LIMA1: variants seen among roughly 807,000 people sequenced by gnomAD.
LIMA1 encodes the protein LIM domain and actin binding 1, also known as LIM domain and actin-binding protein 1.
Under a neutral mutation model 62.6 loss-of-function variants are expected in LIMA1, and 52 were observed. That is an observed-to-expected ratio of 0.83 (90% confidence interval 0.67 to 1.05). LIMA1 has a LOEUF of 1.05. Among genes scored for constraint, LIMA1 ranks in the 50% least tolerant of loss-of-function variants. The probability of loss-of-function intolerance (pLI) is 0.00; values close to 1 mark genes in which losing one functional copy is unlikely to be tolerated. For missense variants in LIMA1, 780 were observed against 902.2 expected, an observed-to-expected ratio of 0.86 and a Z score of 1.74; for synonymous variants, 302 against 317.8, an observed-to-expected ratio of 0.95 and a Z score of 0.53.
rs369600298 is a variant in LIMA1, at chr12:50,177,101, C to G, written c.2243G>C (p.Arg748Thr). 1.4e-5 allele frequency: 23 copies of G among 1,600,594 alleles called. No homozygotes were observed. Among genetic ancestry groups the G allele is most frequent in the Middle Eastern group, 1.7e-4 (1 of 6,004 alleles). The change falls in exon 11 of 11, where the codon AGA (arginine) becomes ACA (threonine). Residue 748 changes from arginine (R) to threonine (T), a missense_variant. Arg to Thr is a moderately conservative substitution (Grantham distance 71). Transcript: ENST00000341247. ...CTCATCCTCATCATAATACCGATTT[C>G]TCTTTATCTGTTCTTCCACAGAGAG... ...KELSVEEQIKRNRYYDEDEDE... is the reference protein window; with the variant it reads ...KELSVEEQIKTNRYYDEDEDE...
chr12:50,205,370 G>A (rs1294432021), intron 5 of LIMA1, among the ~76,000 whole-genome samples: 1 of 151,866 alleles, frequency 6.6e-6, no homozygotes, highest in Non-Finnish European at 1.5e-5. Context: ...ACCATGCCTG[G>A]GCTCGTATTT....
At chr12:50,247,630 T>TTATTATTATTATTA (rs1345612916) in intron 2 of LIMA1, among the ~76,000 whole-genome samples, 2 of 148,412 alleles carry the variant, frequency 1.3e-5, no homozygotes, top group Non-Finnish European at 3.0e-5. Flanking sequence ...ATTATTATTA[T>TTATTATTATTATTA]TATTATTATT....
At chr12:50,263,863 A>ATATATATATATATAAAG (rs1942106294) in intron 1 of LIMA1, among the ~76,000 whole-genome samples, 5 of 132,162 alleles carry the variant, frequency 3.8e-5, no homozygotes, top group African/African-American at 1.4e-4. Flanking sequence ...GAGAGTATAT[A>ATATATATATATATAAAG]TATATATATA....
chr12:50,247,628 T>C (rs1032375755), intron 2 of LIMA1, among the ~76,000 whole-genome samples: 1 of 148,246 alleles, frequency 6.7e-6, no homozygotes, highest in African/African-American at 2.5e-5. Flanking sequence ...TTATTATTAT[T>C]ATTATTATTA....
chr12:50,183,636 C>G (rs933357111), intron 9 of LIMA1, among the ~76,000 whole-genome samples: 9 of 151,834 alleles, frequency 5.9e-5, no homozygotes, highest in Non-Finnish European at 1.3e-4. Context: ...CATAGTGAAA[C>G]CCCATCTCTA....
intron 8 of LIMA1, among the ~76,000 whole-genome samples, chr12:50,195,034 T>A (rs1490091655): frequency 6.6e-6 from 1 of 151,202 alleles, no homozygotes; most frequent in Non-Finnish European, 1.5e-5. Context: ...GGTGACAGAG[T>A]GAGACTCCCT....
intron 1 of LIMA1, among the ~76,000 whole-genome samples, chr12:50,254,242 A>G (rs1017315648): frequency 6.6e-6 from 1 of 152,292 alleles, no homozygotes; most frequent in East Asian, 1.9e-4. Flanking sequence ...AAATAAACAC[A>G]GATTTTTAGC....
At chr12:50,276,071 G>T (rs1188300597) in intron 1 of LIMA1, among the ~76,000 whole-genome samples, 2 of 151,738 alleles carry the variant, frequency 1.3e-5, no homozygotes, top group Non-Finnish European at 2.9e-5. Context: ...TTGAAAATCA[G>T]TGCTTTTTTT....
chr12:50,227,232 C>CT (rs1555207792), intron 3 of LIMA1, among the ~76,000 whole-genome samples: 1 of 111,956 alleles, frequency 8.9e-6, no homozygotes, highest in Non-Finnish European at 1.8e-5. Context: ...TTTCTTTTTT[C>CT]TTTTCTTTTT....
intron 1 of LIMA1, among the ~76,000 whole-genome samples, chr12:50,276,925 C>A (rs980435880): frequency 1.3e-5 from 2 of 151,498 alleles, no homozygotes; most frequent in Non-Finnish European, 2.9e-5. Context: ...AATTAAAAGG[C>A]AAACTGGTTA....
intron 2 of LIMA1, among the ~76,000 whole-genome samples, chr12:50,240,106 T>TA (rs1941755991): frequency 6.6e-6 from 1 of 150,488 alleles, no homozygotes; most frequent in Admixed American, 6.6e-5. Context: ...AAATGACCTG[T>TA]AGGCTGAGAT....
At chr12:50,206,846 A>C (rs1466240117) in intron 4 of LIMA1, among the ~76,000 whole-genome samples, 3 of 152,016 alleles carry the variant, frequency 2.0e-5, no homozygotes, top group Non-Finnish European at 4.4e-5. Flanking sequence ...CTGTCCCTCT[A>C]CTGCACTGTA....
At position 50,258,475 on chromosome 12, in the gene LIMA1, T is replaced by C. The variant is rs752047405; in HGVS notation, c.-23-9701A>G. ...GCGCCTGGCTAATATTTTAAATTTTTTTGTAGAGACAGAGTCTCCCCGTAT... is the reference window on the plus strand; with the variant it reads ...GCGCCTGGCTAATATTTTAAATTTTCTTGTAGAGACAGAGTCTCCCCGTAT... On this transcript the variant is annotated intron_variant, in intron 1 of 10. Coordinates refer to ENST00000341247, the MANE Select transcript of LIMA1 (RefSeq NM_016357.5). Among the ~76,000 whole-genome samples the C allele has an allele frequency of 5.9e-5, 9 of 151,846 alleles. 1 individual carries two copies. The highest frequency in any genetic ancestry group is 3.3e-4 in the Admixed American group (5 of 15,228).
At chr12:50,202,918 T>G (rs1180695559) in intron 6 of LIMA1, among the ~76,000 whole-genome samples, 2 of 152,158 alleles carry the variant, frequency 1.3e-5, no homozygotes, top group Non-Finnish European at 2.9e-5. Flanking sequence ...AACAAATGCT[T>G]GAAGGATACA....
intron 2 of LIMA1, among the ~76,000 whole-genome samples, chr12:50,239,224 A>G (rs1474985909): frequency 6.6e-6 from 1 of 152,230 alleles, no homozygotes; most frequent in Non-Finnish European, 1.5e-5. Context: ...CTTTGAAAAA[A>G]AAGAACAGGG....
At chr12:50,209,177 G>C (rs1356068706) in intron 4 of LIMA1, among the ~76,000 whole-genome samples, 2 of 151,838 alleles carry the variant, frequency 1.3e-5, no homozygotes, top group Non-Finnish European at 2.9e-5. Context: ...CACTATCCGT[G>C]CTACATCACA....
intron 2 of LIMA1, among the ~76,000 whole-genome samples, chr12:50,248,151 C>T (rs963079764): frequency 1.3e-5 from 2 of 151,594 alleles, no homozygotes; most frequent in African/African-American, 2.4e-5. Context: ...TTTTAATTAA[C>T]TTAAACTGAA....
chr12:50,237,231 A>G (rs952858204), intron 2 of LIMA1, among the ~76,000 whole-genome samples: 2 of 152,278 alleles, frequency 1.3e-5, no homozygotes, highest in African/African-American at 2.4e-5. Context: ...GAGGAGTGGT[A>G]AATTATAATG....
At chr12:50,182,076 A>G (rs1248217073) in intron 9 of LIMA1, 39 bp from the exon 10 acceptor site, 3 of 1,611,500 alleles carry the variant, frequency 1.9e-6, no homozygotes, top group African/African-American at 2.7e-5. Context: ...ATGGGCAGCG[A>G]TGAGTTAGCA....
Sources: gnomAD v4.1 joint callset for allele counts (sites outside exome capture counted in the v4.1 genomes callset) on GRCh38, gnomAD v4.1.1 for gene constraint, MANE v1.5 for transcripts, NCBI Gene and HGNC (gene_info 2026-07-23, HGNC 2026-07-21) for gene names.